Variants in ZNF273 observed in about 807,000 individuals in gnomAD.
The protein encoded by ZNF273 is zinc finger protein 9.
A neutral mutation model predicts 14.9 loss-of-function variants in ZNF273; 11 were observed. The observed-to-expected ratio is 0.74, with a 90% CI of 0.46 to 1.22. The LOEUF (loss-of-function observed/expected upper bound fraction) is 1.22. Among genes scored for constraint, ZNF273 ranks in the 50% most tolerant of loss-of-function variants. ZNF273 has a pLI of 0.00. For missense variants in ZNF273, 577 were observed against 660.6 expected, an observed-to-expected ratio of 0.87 and a Z score of 1.39; for synonymous variants, 199 against 223.9, an observed-to-expected ratio of 0.89 and a Z score of 0.99.
intron 1 of ZNF273, among the ~76,000 whole-genome samples, chr7:64,909,627 G>T (rs930310422): frequency 6.7e-6 from 1 of 150,326 alleles, no homozygotes; most frequent in Non-Finnish European, 1.5e-5. Flanking sequence ...CAATGAACAT[G>T]CATTTGCATG....
At chr7:64,918,522 G>A (rs1325252157) in intron 3 of ZNF273, among the ~76,000 whole-genome samples, 2 of 151,956 alleles carry the variant, frequency 1.3e-5, no homozygotes, top group East Asian at 1.9e-4. Context: ...TTAGCTGGGC[G>A]TGGTGGCACA....
chr7:64,919,007 TTA>T (rs1277735846), intron 3 of ZNF273, among the ~76,000 whole-genome samples: 5 of 152,110 alleles, frequency 3.3e-5, no homozygotes, highest in Non-Finnish European at 5.9e-5. Flanking sequence ...TGAGAGTAGT[TTA>T]TATTACATTG....
chr7:64,900,700 A>G (rs1474887494), upstream of ZNF273, among the ~76,000 whole-genome samples: 1 of 152,224 alleles, frequency 6.6e-6, no homozygotes, highest in Non-Finnish European at 1.5e-5. Flanking sequence ...ACCTATGCAA[A>G]TAGCACAACT....
chr7:64,926,340 A>G lies in ZNF273; in HGVS notation c.326-1314A>G, dbSNP rs1018625747. ...TCGTGCTTATATATGTGTGTGTTAT[A>G]AATATCTTTGTTTGTATCCTAGTTT... On this transcript the variant is annotated intron_variant, in intron 3 of 3. Transcript: ENST00000476120. 5.3e-5 allele frequency among the ~76,000 whole-genome samples: 8 copies of G among 152,050 alleles called. No homozygotes were observed. In the East Asian group the frequency reaches 5.8e-4, roughly 11 times the overall value.
chr7:64,913,807 C>T (rs1301682738), intron 1 of ZNF273, among the ~76,000 whole-genome samples: 3 of 152,270 alleles, frequency 2.0e-5, no homozygotes, highest in African/African-American at 4.8e-5. Flanking sequence ...GTCAAAATTA[C>T]GAAGTGATTT....
Position 64,912,826 on chromosome 7 carries a change from G to GTTTTTTGTTGTTGTTGTTTTTT in ZNF273, c.103-4749_103-4748insGTTGTTGTTGTTTTTTTTTTTT. On this transcript the variant is annotated intron_variant, in intron 1 of 3. Coordinates refer to ENST00000476120, the MANE Select transcript of ZNF273 (RefSeq NM_021148.3). ...TCTTTTTGACTCAGGATTCATTTTA[G>GTTTTTTGTTGTTGTTGTTTTTT]TTTTTTTTTTTTTTTTTTTTGAGAT... Among the ~76,000 whole-genome samples, 15 of 36,570 alleles carry GTTTTTTGTTGTTGTTGTTTTTT rather than the reference G, an allele frequency of 4.1e-4. 2 individuals carry two copies. The highest frequency in any genetic ancestry group is 1.9e-3 in the East Asian group (3 of 1,618). The allele number at this position is 36,570 out of a possible 152,430, so 24.0% of individuals were successfully genotyped here.
downstream of ZNF273, chr7:64,893,282 A>G (rs1792147397): frequency 1.3e-5 from 2 of 152,206 alleles, no homozygotes; most frequent in Non-Finnish European, 1.5e-5. Flanking sequence ...CCAAAAGTGT[A>G]TATTTTTCAC....
chr7:64,887,464 G>A (rs1791660708), intron 1 of ZNF273, among the ~76,000 whole-genome samples: 1 of 152,232 alleles, frequency 6.6e-6, no homozygotes, highest in African/African-American at 2.4e-5. Context: ...TCCTCTGGAT[G>A]AAGGACAACT....
At chr7:64,883,645 C>T (rs755012930), downstream of ZNF273, among the ~76,000 whole-genome samples, 2 of 152,164 alleles carry the variant, frequency 1.3e-5, no homozygotes, top group African/African-American at 2.4e-5. Context: ...TCCAACGTGC[C>T]GGGGAATAGT....
intron 1 of ZNF273, among the ~76,000 whole-genome samples, chr7:64,904,668 T>C: frequency 6.6e-6 from 1 of 152,244 alleles, no homozygotes; most frequent in Non-Finnish European, 1.5e-5. Context: ...ACATTTTAGA[T>C]ACTGTATTTT....
rs202155421 is a variant in ZNF273, at chr7:64,927,972, G to A, written c.644G>A (p.Cys215Tyr). Residue 215 changes from cysteine to tyrosine, a missense_variant, in exon 4 of 4, where the codon TGT becomes TAT. This residue lies in a region of ZNF273 where 411 missense variants were observed against 440.4 expected (regional missense o/e 0.93). Transcript: ENST00000476120. ...PFKCKECGKS[C>Y]CILSQLTQHK... ...AAATGTAAAGAATGTGGCAAATCAT[G>A]TTGCATACTTTCACAACTAACTCAG... is the stretch of plus-strand genomic sequence containing the variant. 7.9e-5 allele frequency: 127 copies of A among 1,605,404 alleles called. No homozygotes were observed. The highest frequency in any genetic ancestry group is 1.5e-4 in the South Asian group (14 of 90,670).
intron 1 of ZNF273, among the ~76,000 whole-genome samples, chr7:64,909,837 T>G (rs1452094166): frequency 1.3e-5 from 2 of 151,850 alleles, no homozygotes; most frequent in Non-Finnish European, 2.9e-5. Context: ...CAAGCATCGT[T>G]TTTTTTTGTT....
intron 1 of ZNF273, chr7:64,888,325 A>G (rs2129038975): frequency 3.0e-6 from 3 of 985,292 alleles, no homozygotes; most frequent in Non-Finnish European, 3.6e-6. Flanking sequence ...AGGCTGCTCA[A>G]CACCTCTGAG....
At chr7:64,931,097 A>C (rs1262175819), downstream of ZNF273, 1 of 152,176 alleles carries the variant, frequency 6.6e-6, no homozygotes, top group Non-Finnish European at 1.5e-5. Context: ...TTTTACTTTA[A>C]AGATAAATCT....
At chr7:64,898,335 A>AC (rs1792483710), upstream of ZNF273, among the ~76,000 whole-genome samples, 1 of 152,238 alleles carries the variant, frequency 6.6e-6, no homozygotes, top group Admixed American at 6.5e-5. Flanking sequence ...TGTTATTGCC[A>AC]TTTTAATGAT....
upstream of ZNF273, among the ~76,000 whole-genome samples, chr7:64,902,852 A>G (rs957602961): frequency 2.0e-5 from 3 of 152,226 alleles, no homozygotes; most frequent in Admixed American, 6.5e-5. Flanking sequence ...CAGATATGCA[A>G]TCATCTCAGT....
chr7:64,896,302 A>G (rs898096698), intron 3 of ZNF273, among the ~76,000 whole-genome samples: 2 of 152,134 alleles, frequency 1.3e-5, no homozygotes, highest in East Asian at 3.9e-4. Flanking sequence ...AATGTCTAAT[A>G]TATTTGGTTC....
intron 1 of ZNF273, among the ~76,000 whole-genome samples, chr7:64,885,805 C>T (rs947650916): frequency 3.9e-5 from 6 of 152,148 alleles, no homozygotes; most frequent in Admixed American, 1.3e-4. Flanking sequence ...CCAAGGCAGA[C>T]ATCAACTGGG....
chr7:64,921,605 C>CATTTTTTTTTTTTTT, intron 3 of ZNF273, among the ~76,000 whole-genome samples: 1 of 57,928 alleles, frequency 1.7e-5, no homozygotes, highest in Non-Finnish European at 3.2e-5. Context: ...CATGCTAATG[C>CATTTTTTTTTTTTTT]TTTTTTTTTT....
Sources: allele counts gnomAD v4.1 joint callset (sites outside exome capture counted in the v4.1 genomes callset), GRCh38; gene constraint gnomAD v4.1.1; regional missense constraint gnomAD v4.1.1; transcripts MANE v1.5; gene names NCBI Gene and HGNC (gene_info 2026-07-23, HGNC 2026-07-21).